The following FAM193A variants were observed in gnomAD, a reference collection of about 807,000 sequenced individuals.
FAM193A encodes protein FAM193A.
A neutral mutation model predicts 126.5 loss-of-function variants in FAM193A; 22 were observed. The observed-to-expected ratio is 0.17, with a 90% confidence interval of 0.12 to 0.25. The LOEUF is 0.25. FAM193A is among the 10% of genes least tolerant of loss of function. The probability of loss-of-function intolerance (pLI) is 1.00; values close to 1 mark genes in which losing one functional copy is unlikely to be tolerated. For missense variants in FAM193A, 1,675 were observed against 1,672.8 expected, an observed-to-expected ratio of 1.00 and a Z score of -0.02; for synonymous variants, 761 against 646.8, an observed-to-expected ratio of 1.18 and a Z score of -2.68.
At chr4:2,568,896 TA>T (rs1239593798) in intron 1 of FAM193A, among the ~76,000 whole-genome samples, 1 of 150,026 alleles carries the variant, frequency 6.7e-6, no homozygotes, top group African/African-American at 2.5e-5. Context: ...AGGTACAGGA[TA>T]AAGACTTTAG....
intron 1 of FAM193A, among the ~76,000 whole-genome samples, chr4:2,542,284 C>T (rs1308965173): frequency 1.3e-5 from 2 of 152,054 alleles, no homozygotes; most frequent in East Asian, 1.9e-4. Flanking sequence ...GGATTACAGG[C>T]GTGAGCAACC....
intron 19 of FAM193A, among the ~76,000 whole-genome samples, chr4:2,709,926 A>G (rs757576943): frequency 7.2e-4 from 110 of 152,230 alleles, no homozygotes; most frequent in Admixed American, 3.9e-3. Context: ...TTGGTAAACC[A>G]TCTTTCTGTA....
chr4:2,647,404 C>T (rs1745260200), intron 7 of FAM193A, among the ~76,000 whole-genome samples: 1 of 152,102 alleles, frequency 6.6e-6, no homozygotes, highest in Non-Finnish European at 1.5e-5. Context: ...CCTCAGCCTC[C>T]CAAAGTGTTG....
At chr4:2,647,152 T>TC (rs1027270981) in intron 7 of FAM193A, among the ~76,000 whole-genome samples, 10 of 152,032 alleles carry the variant, frequency 6.6e-5, no homozygotes, top group African/African-American at 2.4e-4. Context: ...AGGAGGTTTT[T>TC]CTTTTTTTTT....
intron 2 of FAM193A, among the ~76,000 whole-genome samples, chr4:2,612,381 C>G (rs1741932221): frequency 6.6e-6 from 1 of 151,844 alleles, no homozygotes; most frequent in Non-Finnish European, 1.5e-5. Flanking sequence ...CACCTGTAAT[C>G]CTAGCTACTC....
intron 4 of FAM193A, among the ~76,000 whole-genome samples, chr4:2,628,691 A>G (rs1743218954): frequency 6.6e-6 from 1 of 152,192 alleles, no homozygotes; most frequent in Non-Finnish European, 1.5e-5. Context: ...GAAAAAATGT[A>G]TAACCTTCAC....
Position 2,646,815 on chromosome 4 carries a change from G to T in FAM193A, c.1294G>T (p.Ala432Ser). 3 of 1,612,830 alleles carry T rather than the reference G, an allele frequency of 1.9e-6. No individual in the cohort carries two copies. The highest frequency in any genetic ancestry group is 2.5e-6 in the Non-Finnish European group (3 of 1,179,478). Reference protein sequence around the residue: ...EWLECQKRIDAYVDEQMTMKT... With the variant: ...EWLECQKRIDSYVDEQMTMKT... ...GCTGGAGTGCCAGAAGAGGATCGAC[G>T]CCTATGTCGACGAGCAGGTGAGTGC... The change falls in exon 7 of 21, where the codon GCC becomes TCC. Residue 432 changes from alanine to serine, a missense_variant. Ala to Ser is a moderately conservative substitution (Grantham distance 99). Around this residue, in one of 4 missense-constraint regions of FAM193A, gnomAD observed 1,186 missense variants for 1,109.2 expected, o/e 1.07. Transcript: ENST00000637812.
intron 1 of FAM193A, among the ~76,000 whole-genome samples, chr4:2,566,135 C>A (rs532341394): frequency 6.6e-6 from 1 of 151,746 alleles, no homozygotes; most frequent in East Asian, 1.9e-4. Context: ...GCAAGCTCTG[C>A]CTTCTGGGTT....
In FAM193A at chr4:2,694,835, G is replaced by T. The variant is rs531900584; in HGVS notation, c.3093-111G>T. On this transcript the variant is annotated intron_variant, in intron 16 of 20. Transcript: ENST00000637812. ...AACCCTGGGACTATGCACCCTCTGCGCTGCCTCTTGTCTGTGAAATGGGCA... is the reference window on the plus strand; with the variant it reads ...AACCCTGGGACTATGCACCCTCTGCTCTGCCTCTTGTCTGTGAAATGGGCA... The T allele has an allele frequency of 4.5e-6, 4 of 898,036 alleles. No individual in the cohort carries two copies. The Admixed American group carries it at 1.2e-4, about 28-fold the overall frequency. 55.6% of individuals were successfully genotyped at this position (898,036 alleles called of 1,614,324 possible). A position where few individuals can be genotyped will look rare whatever the true frequency, so the allele number is the denominator to read the frequency against.
intron 20 of FAM193A, among the ~76,000 whole-genome samples, chr4:2,728,895 ACTTTTTTTTTT>A (rs1364214552): frequency 9.5e-6 from 1 of 105,710 alleles, no homozygotes; most frequent in African/African-American, 4.7e-5. Flanking sequence ...CACCTCCAAA[ACTTTTTTTTTT>A]TTTTTTTTTT....
intron 2 of FAM193A, 142 bp from the exon 3 acceptor site, chr4:2,625,120 A>G: frequency 1.8e-6 from 1 of 566,264 alleles, no homozygotes; most frequent in South Asian, 2.2e-5. Context: ...AGTGTGAGCC[A>G]CTGTATCTGG....
chr4:2,655,089 A>G (rs1711525829), intron 7 of FAM193A: 2 of 700,644 alleles, frequency 2.9e-6, no homozygotes, highest in Non-Finnish European at 5.2e-6. Context: ...AAGAGCATTG[A>G]TACTGGCACC....
chr4:2,674,046 G>T (rs995543149), intron 13 of FAM193A, among the ~76,000 whole-genome samples: 1 of 152,174 alleles, frequency 6.6e-6, no homozygotes, highest in African/African-American at 2.4e-5. Flanking sequence ...TACGGTAGAG[G>T]TATAGAAACT....
chr4:2,537,883 A>C (rs1736984945), intron 1 of FAM193A, among the ~76,000 whole-genome samples: 1 of 152,192 alleles, frequency 6.6e-6, no homozygotes, highest in South Asian at 2.1e-4. Context: ...GGAATTTGAA[A>C]GGTGATTTTT....
chr4:2,547,783 A>T (rs1252200370), intron 1 of FAM193A, among the ~76,000 whole-genome samples: 2 of 151,122 alleles, frequency 1.3e-5, no homozygotes, highest in African/African-American at 4.9e-5. Context: ...GCGTCACCAC[A>T]CCTGGCTAAT....
At chr4:2,691,521 G>A (rs1716376159) in intron 15 of FAM193A, among the ~76,000 whole-genome samples, 2 of 152,202 alleles carry the variant, frequency 1.3e-5, no homozygotes, top group South Asian at 4.1e-4. Context: ...AGGGCTGCCT[G>A]TCACCCAGCC....
intron 2 of FAM193A, among the ~76,000 whole-genome samples, chr4:2,613,643 C>A (rs1441375876): frequency 6.6e-6 from 1 of 151,448 alleles, no homozygotes; most frequent in South Asian, 2.1e-4. Context: ...AGTATAGAGA[C>A]GGGTTTCTCC....
At chr4:2,651,875 AGC>A (rs1745704508) in intron 7 of FAM193A, among the ~76,000 whole-genome samples, 1 of 152,170 alleles carries the variant, frequency 6.6e-6, no homozygotes, top group South Asian at 2.1e-4. Context: ...CGTCCCAGAC[AGC>A]CCCCAGGAGG....
At chr4:2,721,377 A>G (rs571430256) in intron 20 of FAM193A, among the ~76,000 whole-genome samples, 103 of 150,884 alleles carry the variant, frequency 6.8e-4, no homozygotes, top group Non-Finnish European at 1.2e-3. Flanking sequence ...AGTCCCAGCT[A>G]CTCAGGAAAT....
Sources: gnomAD v4.1 joint callset for allele counts (sites outside exome capture counted in the v4.1 genomes callset) on GRCh38, gnomAD v4.1.1 for gene constraint, gnomAD v4.1.1 regional missense constraint, MANE v1.5 for transcripts, NCBI Gene and HGNC (gene_info 2026-07-23, HGNC 2026-07-21) for gene names.